Variants in ZSWIM6 observed in about 807,000 individuals in gnomAD.
ZSWIM6 encodes zinc finger SWIM-type containing 6.
A neutral mutation model predicts 113.2 loss-of-function variants in ZSWIM6; 9 were observed. That is an observed-to-expected ratio of 0.08 (90% CI 0.05 to 0.14). The LOEUF is 0.14. Among genes scored for constraint, ZSWIM6 ranks in the 10% least tolerant of loss-of-function variants. The pLI, the probability that ZSWIM6 is intolerant of heterozygous loss-of-function variation, is 1.00. For missense variants in ZSWIM6, 1,162 were observed against 1,552.2 expected, an observed-to-expected ratio of 0.75 and a Z score of 4.22; for synonymous variants, 611 against 606.5, an observed-to-expected ratio of 1.01 and a Z score of -0.11.
intron 4 of ZSWIM6, among the ~76,000 whole-genome samples, chr5:61,501,942 C>G (rs1748478950): frequency 6.6e-6 from 1 of 152,142 alleles, no homozygotes; most frequent in South Asian, 2.1e-4. Flanking sequence ...ATAGTACTGA[C>G]CGCACTTGCC....
At chr5:61,426,878 A>G (rs1226231598) in intron 1 of ZSWIM6, among the ~76,000 whole-genome samples, 1 of 151,744 alleles carries the variant, frequency 6.6e-6, no homozygotes, top group East Asian at 1.9e-4. Context: ...TGTGTAAGTA[A>G]TGTGTCCTTC....
At chr5:61,411,456 C>T (rs185538521) in intron 1 of ZSWIM6, among the ~76,000 whole-genome samples, 15 of 152,196 alleles carry the variant, frequency 9.9e-5, no homozygotes, top group Non-Finnish European at 2.2e-4. Context: ...TTCCTGAATA[C>T]TCTAAAATGT....
intron 4 of ZSWIM6, among the ~76,000 whole-genome samples, chr5:61,512,960 C>T (rs892333030): frequency 1.4e-4 from 22 of 151,854 alleles, no homozygotes; most frequent in African/African-American, 5.1e-4. Context: ...TGAACCTACA[C>T]TGACATTTTA....
At chr5:61,494,955 A>G (rs945490967) in intron 4 of ZSWIM6, among the ~76,000 whole-genome samples, 1 of 152,192 alleles carries the variant, frequency 6.6e-6, no homozygotes, top group African/African-American at 2.4e-5. Context: ...TGTTCAAAAA[A>G]ATGAGAAATC....
intron 1 of ZSWIM6, chr5:61,347,228 G>A (rs762160610): frequency 1.6e-4 from 27 of 168,830 alleles, no homozygotes; most frequent in Admixed American, 1.9e-4. Flanking sequence ...ATTACGTGTT[G>A]TGCAAGAACA....
intron 4 of ZSWIM6, among the ~76,000 whole-genome samples, chr5:61,512,655 T>A (rs1748821169): frequency 6.6e-6 from 1 of 152,174 alleles, no homozygotes; most frequent in Non-Finnish European, 1.5e-5. Flanking sequence ...ATTTTTTTTA[T>A]AATTGTAGCT....
chr5:61,373,115 T>G (rs1013620258), intron 1 of ZSWIM6, among the ~76,000 whole-genome samples: 1 of 152,154 alleles, frequency 6.6e-6, no homozygotes, highest in Non-Finnish European at 1.5e-5. Context: ...TTAAAAAATT[T>G]TAAAAAATAC....
intron 1 of ZSWIM6, among the ~76,000 whole-genome samples, chr5:61,434,266 T>C (rs1746653905): frequency 6.7e-6 from 1 of 150,208 alleles, no homozygotes; most frequent in African/African-American, 2.4e-5. Flanking sequence ...CATTTTACTA[T>C]GGAAAACTTT....
At position 61,375,385 on chromosome 5, in the gene ZSWIM6, CAG is replaced by C. The variant is rs201827395; in HGVS notation, c.676+42441_676+42442del. The stretch of plus-strand genomic sequence containing the variant: ...AAGTGAGAGCTCATCCAAAAAAAGA[CAG>C]AGAAAGAAAAAAGAAAAGAAGAAAT... On this transcript the variant is annotated intron_variant, in intron 1 of 13. Coordinates refer to ENST00000252744, the MANE Select transcript of ZSWIM6 (RefSeq NM_020928.2). 2,364 of 1,576,318 alleles carry C rather than the reference CAG, an allele frequency of 1.5e-3. 16 individuals are homozygous for C. The African/African-American group carries it at 0.021, about 14-fold the overall frequency.
At chr5:61,523,451 A>G (rs973223207) in intron 5 of ZSWIM6, among the ~76,000 whole-genome samples, 3 of 152,174 alleles carry the variant, frequency 2.0e-5, no homozygotes, top group African/African-American at 7.2e-5. Context: ...AGTATAGCCA[A>G]TTTTATAATT....
intron 1 of ZSWIM6, among the ~76,000 whole-genome samples, chr5:61,458,031 C>T (rs1458425553): frequency 6.6e-6 from 1 of 152,026 alleles, no homozygotes; most frequent in African/African-American, 2.4e-5. Flanking sequence ...TCATTTGATG[C>T]CCCATATTAT....
intron 1 of ZSWIM6, among the ~76,000 whole-genome samples, chr5:61,413,539 G>C (rs1417477529): frequency 1.3e-5 from 2 of 152,140 alleles, no homozygotes; most frequent in East Asian, 1.9e-4. Context: ...TATATACCCA[G>C]TAATGGAATG....
At chr5:61,454,492 G>A (rs533309836) in intron 1 of ZSWIM6, among the ~76,000 whole-genome samples, 94 of 151,496 alleles carry the variant, frequency 6.2e-4, no homozygotes, top group Non-Finnish European at 1.2e-3. Context: ...CTGGGCTCAG[G>A]GCTCACGTGA....
chr5:61,484,909 A>T (rs1747974296), intron 2 of ZSWIM6, among the ~76,000 whole-genome samples: 1 of 152,180 alleles, frequency 6.6e-6, no homozygotes, highest in African/African-American at 2.4e-5. Flanking sequence ...AGTCATAACC[A>T]ACTTGGAACC....
rs1230142964 is a variant in ZSWIM6, at chr5:61,363,240, G to T, written c.676+30292G>T. 3.9e-5 allele frequency among the ~76,000 whole-genome samples: 6 copies of T among 152,292 alleles called. 1 individual carries two copies. The highest frequency in any genetic ancestry group is 3.9e-4 in the Admixed American group (6 of 15,302). On this transcript the variant is annotated intron_variant, in intron 1 of 13. Transcript: ENST00000252744. ...GGTTTAGTACAGGCTAACAGCACCA[G>T]TTTACAAGGCTATCCATACAAGAAT...
rs115631770 is a variant in ZSWIM6 at position 61,438,263 on chromosome 5, C to T, written c.677-34418C>T. On this transcript the variant is annotated intron_variant, in intron 1 of 13. Coordinates refer to ENST00000252744, the MANE Select transcript of ZSWIM6 (RefSeq NM_020928.2). ...AAATATGACATTTAACATAAGTGTA[C>T]AGATTTCCCAGTAAAAGAACAATTC... Among the ~76,000 whole-genome samples, 1,018 of 152,204 alleles carry T rather than the reference C, an allele frequency of 6.7e-3. 7 individuals carry two copies. The highest frequency in any genetic ancestry group is 0.016 in the African/African-American group (680 of 41,512).
At chr5:61,526,590 A>ATT (rs34246689) in intron 7 of ZSWIM6, among the ~76,000 whole-genome samples, 194 bp downstream of exon 7, 167 of 150,280 alleles carry the variant, frequency 1.1e-3, no homozygotes, top group African/African-American at 3.6e-3. Context: ...GTAAGCAAAG[A>ATT]TTTTTTTTTT....
rs991997128 is a variant in ZSWIM6 at position 61,332,403 on chromosome 5, C to G, written c.131C>G (p.Pro44Arg). 1.0e-6 allele frequency: 1 copy of G among 993,524 alleles called. No homozygotes were observed. 61.5% of individuals were successfully genotyped at this position (993,524 alleles called of 1,614,324 possible). A position where few individuals can be genotyped will look rare whatever the true frequency, so the allele number is the denominator to read the frequency against. Residue 44 changes from proline (P) to arginine (R), a missense_variant, in exon 1 of 14, where the codon CCA (proline) becomes CGA (arginine). This residue lies in a region of ZSWIM6 where 333 missense variants were observed against 293.4 expected (regional missense o/e 1.13). Coordinates refer to ENST00000252744, the MANE Select transcript of ZSWIM6 (RefSeq NM_020928.2). ...AGGGYSSACR[P>R]GPRAGGAAAA... ...GGCGGCTACAGCTCTGCCTGTCGGC[C>G]AGGCCCGCGGGCGGGTGGCGCGGCG... is the stretch of plus-strand genomic sequence containing the variant.
chr5:61,347,585 G>T, intron 1 of ZSWIM6: 1 of 153,670 alleles, frequency 6.5e-6, no homozygotes, highest in Non-Finnish European at 1.4e-5. Context: ...GACAGCTCTA[G>T]GAGAAAAAGG....
Sources: allele counts gnomAD v4.1 joint callset (sites outside exome capture counted in the v4.1 genomes callset), GRCh38; gene constraint gnomAD v4.1.1; regional missense constraint gnomAD v4.1.1; transcripts MANE v1.5; gene names NCBI Gene and HGNC (gene_info 2026-07-23, HGNC 2026-07-21).